PARD3B: variants seen among roughly 807,000 people sequenced by gnomAD.
PARD3B encodes partitioning defective 3 homolog B.
PARD3B carries 103 observed loss-of-function variants against 130.2 expected under a neutral mutation model. The ratio of observed to expected loss-of-function variants is 0.79; its 90% CI spans 0.67 to 0.93. The LOEUF is 0.93. Among genes scored for constraint, PARD3B ranks in the 40% least tolerant of loss-of-function variants. The pLI is 0.00. For missense variants in PARD3B, 1,609 were observed against 1,499.2 expected (o/e 1.07, Z -1.21); for synonymous variants, 583 against 553.2 (o/e 1.05, Z -0.76).
At chr2:205,485,600 A>G (rs1269650028) in intron 20 of PARD3B, among the ~76,000 whole-genome samples, 1 of 152,190 alleles carries the variant, frequency 6.6e-6, no homozygotes, top group Admixed American at 6.5e-5. Flanking sequence ...GATATGAAGC[A>G]GAACTCTGAG....
Position 205,562,693 on chromosome 2 carries a change from A to ATG in PARD3B, c.3260+9291_3260+9292insGT, listed in dbSNP as rs2053180541. Among the ~76,000 whole-genome samples the ATG allele has an allele frequency of 2.0e-5, 3 of 152,272 alleles. No homozygotes were observed. In the South Asian group the frequency reaches 6.2e-4, roughly 32 times the overall value. ...AGTATTGCTCTATATCTCATTTCTC[A>ATG]TAATCTTTGGTAGTTCTTGATGTTT... is the stretch of plus-strand genomic sequence containing the variant. On this transcript the variant is annotated intron_variant, in intron 22 of 22. Transcript: ENST00000406610. This position sits in a 1 kb window ranked among gnomAD's most constrained non-coding sequence, Gnocchi z 5.4.
At chr2:205,516,500 T>C (rs1390772863) in intron 21 of PARD3B, among the ~76,000 whole-genome samples, 1 of 152,202 alleles carries the variant, frequency 6.6e-6, no homozygotes, top group Non-Finnish European at 1.5e-5. Context: ...CCTGGTTAGC[T>C]GTATTTCTAG....
At chr2:205,238,380 A>T (rs1424591059) in intron 15 of PARD3B, among the ~76,000 whole-genome samples, 1 of 152,180 alleles carries the variant, frequency 6.6e-6, no homozygotes, top group African/African-American at 2.4e-5. Context: ...CTGAGGCAGG[A>T]GGATCACTTG....
intron 3 of PARD3B, among the ~76,000 whole-genome samples, chr2:205,018,636 G>T (rs985367598): frequency 1.4e-5 from 2 of 141,664 alleles, no homozygotes; most frequent in Non-Finnish European, 3.0e-5. Context: ...GCCTCATCAG[G>T]AGAGCCTCGT....
chr2:204,740,209 C>T (rs930296826), intron 2 of PARD3B, among the ~76,000 whole-genome samples: 1 of 150,886 alleles, frequency 6.6e-6, no homozygotes, highest in Non-Finnish European at 1.5e-5. Flanking sequence ...TTAGTAGAGA[C>T]AGGGTTTTTG....
chr2:205,394,073 T>C (rs1466178960), intron 18 of PARD3B, among the ~76,000 whole-genome samples: 3 of 152,214 alleles, frequency 2.0e-5, no homozygotes, highest in South Asian at 4.1e-4. Context: ...AATGGTTCAA[T>C]TCTGTGTGCA....
rs116052593 is a variant in PARD3B, at chr2:204,867,490, G to A, written c.223-97662G>A. Among the ~76,000 whole-genome samples the A allele has an allele frequency of 4.5e-3, 688 of 152,214 alleles. 7 individuals are homozygous for A. Among genetic ancestry groups the A allele is most frequent in the African/African-American group, 0.016 (649 of 41,524 alleles). ...TGCAAAACATGACTGCATCATCCCC[G>A]AGCACCATTACAACATGCTTAATGG... On this transcript the variant is annotated intron_variant, in intron 2 of 22. Coordinates refer to ENST00000406610, the MANE Select transcript of PARD3B (RefSeq NM_001302769.2).
At chr2:204,563,214 GCTGTCTCTCTCTCTCTCTCT>G (rs2031434117) in intron 1 of PARD3B, among the ~76,000 whole-genome samples, 1 of 55,022 alleles carries the variant, frequency 1.8e-5, no homozygotes, top group African/African-American at 5.8e-5. Context: ...CCGTCTTCCC[GCTGTCTCTCTCTCTCTCTCT>G]CTCTCTCTCT....
chr2:204,613,188 T>C (rs745965972), intron 1 of PARD3B, among the ~76,000 whole-genome samples: 3 of 152,226 alleles, frequency 2.0e-5, no homozygotes, highest in African/African-American at 4.8e-5. Context: ...CATTTATGTC[T>C]GAAAATGTCT....
rs1014610925 is a variant in PARD3B, at chr2:205,564,125, T to G, written c.3260+10722T>G. On this transcript the variant is annotated intron_variant, in intron 22 of 22. Coordinates refer to ENST00000406610, the MANE Select transcript of PARD3B (RefSeq NM_001302769.2). This position sits in a 1 kb window ranked among gnomAD's most constrained non-coding sequence, Gnocchi z 4.6. ...TGGCTAAGATTGCACACAGAACTAG[T>G]GACAGGTTTTGGAGTCAGTTCAGTA... Among the ~76,000 whole-genome samples, 1 of 152,184 alleles carries G rather than the reference T, an allele frequency of 6.6e-6. No individual in the cohort carries two copies. The highest frequency in any genetic ancestry group is 2.4e-5 in the African/African-American group (1 of 41,442).
intron 5 of PARD3B, among the ~76,000 whole-genome samples, chr2:205,110,763 G>T (rs370591882): frequency 6.7e-6 from 1 of 149,390 alleles, no homozygotes; most frequent in Non-Finnish European, 1.5e-5. Context: ...CTACTATACT[G>T]TCCTCTAAAA....
At chr2:204,598,395 C>T (rs947735009) in intron 1 of PARD3B, among the ~76,000 whole-genome samples, 3 of 152,080 alleles carry the variant, frequency 2.0e-5, no homozygotes, top group Non-Finnish European at 2.9e-5. Flanking sequence ...GAACTCAAGA[C>T]TACAGGGGTA....
At chr2:205,567,173 A>G (rs1344593849) in intron 22 of PARD3B, among the ~76,000 whole-genome samples, 1 of 152,158 alleles carries the variant, frequency 6.6e-6, no homozygotes, top group Non-Finnish European at 1.5e-5. Flanking sequence ...TGTATATTTA[A>G]TAATATGTAT....
intron 16 of PARD3B, among the ~76,000 whole-genome samples, chr2:205,262,340 T>A (rs1044470615): frequency 3.3e-5 from 5 of 152,130 alleles, no homozygotes; most frequent in African/African-American, 1.2e-4. Flanking sequence ...AAGATATCAG[T>A]AGGCTTTTAT....
rs2035931611 is a variant in PARD3B at position 204,664,163 on chromosome 2, A to G, written c.121-22018A>G. On this transcript the variant is annotated intron_variant, in intron 1 of 22. Transcript: ENST00000406610. This position sits in a 1 kb window ranked among gnomAD's most constrained non-coding sequence, Gnocchi z 5.2. Reference sequence around the variant, plus strand: ...TACATATATGTTGGGTAGTAATGCCAGTGGATAGGTTTTATTCTGAGAACC... The same window carrying G: ...TACATATATGTTGGGTAGTAATGCCGGTGGATAGGTTTTATTCTGAGAACC... Among the ~76,000 whole-genome samples the G allele has an allele frequency of 6.6e-6, 1 of 152,220 alleles. No homozygotes were observed. The highest frequency in any genetic ancestry group is 1.5e-5 in the Non-Finnish European group (1 of 68,032).
intron 18 of PARD3B, among the ~76,000 whole-genome samples, chr2:205,316,860 C>G (rs527836079): frequency 6.6e-6 from 1 of 152,124 alleles, no homozygotes; most frequent in African/African-American, 2.4e-5. Flanking sequence ...CTGCTAAGTA[C>G]ACAGCAAGCA....
intron 2 of PARD3B, among the ~76,000 whole-genome samples, chr2:204,880,326 T>G (rs2045991708): frequency 6.6e-6 from 1 of 152,258 alleles, no homozygotes; most frequent in East Asian, 1.9e-4. Context: ...ATATCATACA[T>G]ATATAGAGAG....
At chr2:205,147,147 A>G (rs1043572757) in intron 10 of PARD3B, among the ~76,000 whole-genome samples, 4 of 152,240 alleles carry the variant, frequency 2.6e-5, no homozygotes, top group Non-Finnish European at 4.4e-5. Context: ...TTGTTCCTCA[A>G]TATAAACAAA....
chr2:205,483,828 G>C (rs997311077), intron 20 of PARD3B, among the ~76,000 whole-genome samples: 5 of 151,994 alleles, frequency 3.3e-5, no homozygotes, highest in African/African-American at 1.2e-4. Flanking sequence ...ATTGGAAGGG[G>C]GGAAGCTTCT....
Sources: gnomAD v4.1 joint callset for allele counts (sites outside exome capture counted in the v4.1 genomes callset) on GRCh38, gnomAD v4.1.1 for gene constraint, Gnocchi (gnomAD v3.1) non-coding constraint, MANE v1.5 for transcripts, NCBI Gene and HGNC (gene_info 2026-07-23, HGNC 2026-07-21) for gene names.